FBXO25: variants seen among roughly 807,000 people sequenced by gnomAD.
FBXO25 encodes F-box only protein 25.
Under a neutral mutation model 51.9 loss-of-function variants are expected in FBXO25, and 45 were observed. That is an observed-to-expected ratio of 0.87 (90% CI 0.68 to 1.11). FBXO25 has a LOEUF of 1.11. FBXO25 is among the 50% of genes most tolerant of loss of function. The probability of loss-of-function intolerance (pLI) is 0.00; values close to 1 mark genes in which losing one functional copy is unlikely to be tolerated. For synonymous variants in FBXO25, 199 were observed against 151.0 expected (o/e 1.32, Z -2.33); for missense variants, 507 against 428.5 (o/e 1.18, Z -1.62).
At chr8:418,609 G>C (rs1378247935) in intron 2 of FBXO25, among the ~76,000 whole-genome samples, 1 of 151,870 alleles carries the variant, frequency 6.6e-6, no homozygotes, top group Non-Finnish European at 1.5e-5. Context: ...CAAAGTGCTG[G>C]GATTACATGC....
At chr8:448,221 A>C (rs997439158) in intron 5 of FBXO25, among the ~76,000 whole-genome samples, 9 of 152,224 alleles carry the variant, frequency 5.9e-5, no homozygotes, top group Admixed American at 5.9e-4. Context: ...AATTCTGCTC[A>C]GGTAAAAATA....
rs2278766 is a variant in FBXO25, at chr8:458,243, A to G, written c.661-126A>G. 8.7e-4 allele frequency: 952 copies of G among 1,099,632 alleles called. 16 individuals are homozygous for G. In the East Asian group the frequency reaches 0.021, roughly 24 times the overall value. The allele number at this position is 1,099,632 out of a possible 1,614,324, so 68.1% of individuals were successfully genotyped here. On this transcript the variant is annotated intron_variant, in intron 7 of 9. Coordinates refer to ENST00000350302, the MANE Select transcript of FBXO25 (RefSeq NM_183420.2). ...CAGGCCCCTTGACACCTTGCGACGC[A>G]TGACATGGAGAGCTCTTTTTGTGTT... is the stretch of plus-strand genomic sequence containing the variant.
chr8:420,850 A>G (rs946678872), intron 2 of FBXO25, among the ~76,000 whole-genome samples: 2 of 152,232 alleles, frequency 1.3e-5, no homozygotes, highest in African/African-American at 4.8e-5. Context: ...GTTAGATTTG[A>G]CTGTGCACCT....
chr8:431,113 A>G (rs1797794442), intron 2 of FBXO25, among the ~76,000 whole-genome samples: 1 of 152,246 alleles, frequency 6.6e-6, no homozygotes, highest in Non-Finnish European at 1.5e-5. Context: ...AAGTATATCA[A>G]GACCCTTCAG....
chr8:437,925 G>A (rs1256254774), intron 5 of FBXO25, among the ~76,000 whole-genome samples: 1 of 151,904 alleles, frequency 6.6e-6, no homozygotes, highest in Non-Finnish European at 1.5e-5. Flanking sequence ...ATGTCACTCA[G>A]TATTATTAGA....
chr8:440,607 C>CT (rs1260291294), intron 5 of FBXO25, among the ~76,000 whole-genome samples: 1 of 151,788 alleles, frequency 6.6e-6, no homozygotes, highest in African/African-American at 2.4e-5. Flanking sequence ...TTAAATTATA[C>CT]TTTAAGTTCT....
intron 4 of FBXO25, among the ~76,000 whole-genome samples, 182 bp downstream of exon 4, chr8:433,117 G>C (rs536746134): frequency 6.6e-6 from 1 of 152,262 alleles, no homozygotes; most frequent in South Asian, 2.1e-4. Context: ...ATTTTCCATT[G>C]TGTGTGCTTG....
At chr8:412,055 G>T (rs1164265343) in intron 1 of FBXO25, among the ~76,000 whole-genome samples, 2 of 152,230 alleles carry the variant, frequency 1.3e-5, no homozygotes, top group Non-Finnish European at 2.9e-5. Context: ...AATCAAGTCA[G>T]TGGGAAGAAC....
chr8:468,268 C>A (rs780587302), intron 9 of FBXO25: 42 of 1,013,458 alleles, frequency 4.1e-5, no homozygotes, highest in Non-Finnish European at 4.7e-5. Context: ...ATGCAGGGAG[C>A]CCAAGCTGAT....
intron 7 of FBXO25, among the ~76,000 whole-genome samples, chr8:453,397 C>T (rs1445570726): frequency 6.6e-6 from 1 of 152,120 alleles, no homozygotes; most frequent in Non-Finnish European, 1.5e-5. Context: ...CTTCTGGACC[C>T]TGTGCCCTGC....
chr8:411,202 T>C (rs1796466147), intron 1 of FBXO25, among the ~76,000 whole-genome samples: 1 of 152,242 alleles, frequency 6.6e-6, no homozygotes, highest in Non-Finnish European at 1.5e-5. Context: ...CACTTTTGCT[T>C]GAGTAATTCA....
intron 2 of FBXO25, among the ~76,000 whole-genome samples, chr8:429,708 T>G (rs909190667): frequency 3.3e-5 from 5 of 152,260 alleles, no homozygotes; most frequent in African/African-American, 1.2e-4. Flanking sequence ...AGTAGCCTAG[T>G]TGTCATTTGT....
intron 7 of FBXO25, among the ~76,000 whole-genome samples, chr8:454,105 CAA>C (rs1799266343): frequency 6.6e-6 from 1 of 152,254 alleles, no homozygotes; most frequent in African/African-American, 2.4e-5. Context: ...GCGTGGGCGA[CAA>C]GAGTGAAACT....
chr8:431,880 A>G (rs996473986), intron 3 of FBXO25, among the ~76,000 whole-genome samples: 2 of 152,186 alleles, frequency 1.3e-5, no homozygotes, highest in Non-Finnish European at 2.9e-5. Context: ...GAGCTCTATC[A>G]TGCAGCATAT....
intron 2 of FBXO25, among the ~76,000 whole-genome samples, chr8:422,092 T>C (rs1000379071): frequency 6.6e-5 from 10 of 152,176 alleles, no homozygotes; most frequent in Non-Finnish European, 1.3e-4. Context: ...CCTTGACAGA[T>C]GCAGCAAGGT....
At chr8:436,327 A>C (rs1798100754) in intron 5 of FBXO25, among the ~76,000 whole-genome samples, 1 of 152,208 alleles carries the variant, frequency 6.6e-6, no homozygotes, top group Non-Finnish European at 1.5e-5. Flanking sequence ...ATAAAATAGA[A>C]GCTATAGTTT....
At position 476,339 on chromosome 8, in the gene FBXO25, G is replaced by A. The variant is rs1299532242; in HGVS notation, c.*7535G>A. On this transcript the variant is annotated 3_prime_UTR_variant, in exon 10 of 10. Transcript: ENST00000350302. ...TGATGTGTGGTGTTTTTTTCTTATAGTGTCTTTGTCTGGTTTTGGTATCAG... is the reference window on the plus strand; with the variant it reads ...TGATGTGTGGTGTTTTTTTCTTATAATGTCTTTGTCTGGTTTTGGTATCAG... 3 of 145,006 alleles carry A rather than the reference G, an allele frequency of 2.1e-5. No individual in the cohort carries two copies. The highest frequency in any genetic ancestry group is 2.0e-4 in the Admixed American group (3 of 14,640). 9.0% of individuals were successfully genotyped at this position (145,006 alleles called of 1,614,324 possible).
intron 1 of FBXO25, among the ~76,000 whole-genome samples, chr8:408,245 G>A (rs539679586): frequency 1.3e-5 from 2 of 151,606 alleles, no homozygotes; most frequent in African/African-American, 4.9e-5. Flanking sequence ...TTTCTTTCCT[G>A]TGTTGTATTC....
chr8:477,922 C>T lies in FBXO25; in HGVS notation c.*9118C>T, dbSNP rs1355316726. 6.6e-6 allele frequency: 1 copy of T among 152,162 alleles called. No individual in the cohort carries two copies. Among genetic ancestry groups the T allele is most frequent in the East Asian group, 1.9e-4 (1 of 5,196 alleles). The allele number at this position is 152,162 out of a possible 1,614,324, so 9.4% of individuals were successfully genotyped here. On this transcript the variant is annotated 3_prime_UTR_variant, in exon 10 of 10. Transcript: ENST00000350302. ...ATTTCACTTGCCAACCTGATTTATA[C>T]TTTTGTATCTATTTGACATTTTCCA...
Sources: allele counts gnomAD v4.1 joint callset (sites outside exome capture counted in the v4.1 genomes callset), GRCh38; gene constraint gnomAD v4.1.1; transcripts MANE v1.5; gene names NCBI Gene and HGNC (gene_info 2026-07-23, HGNC 2026-07-21).